The following MTBP variants were observed in gnomAD, a reference collection of about 807,000 sequenced individuals.
MTBP encodes the protein mdm2-binding protein.
A neutral mutation model predicts 117.0 loss-of-function variants in MTBP; 101 were observed. The observed-to-expected ratio is 0.86, with a 90% confidence interval of 0.73 to 1.02. MTBP has a LOEUF of 1.02. Among genes scored for constraint, MTBP ranks in the 50% least tolerant of loss-of-function variants. The pLI is 0.00. For missense variants in MTBP, 970 were observed against 1,030.9 expected, an observed-to-expected ratio of 0.94 and a Z score of 0.81; for synonymous variants, 350 against 351.5, an observed-to-expected ratio of 1.00 and a Z score of 0.05.
chr8:120,484,073 A>C (rs990834990), intron 11 of MTBP, among the ~76,000 whole-genome samples: 4 of 152,086 alleles, frequency 2.6e-5, no homozygotes, highest in African/African-American at 9.7e-5. Flanking sequence ...GAGGAAAATA[A>C]GATTGTTGTA....
intron 16 of MTBP, among the ~76,000 whole-genome samples, chr8:120,509,222 T>A (rs1472540372): frequency 1.3e-5 from 2 of 152,208 alleles, no homozygotes; most frequent in Non-Finnish European, 2.9e-5. Flanking sequence ...AGATTCAAGT[T>A]GACTTTAATT....
intron 2 of MTBP, among the ~76,000 whole-genome samples, chr8:120,449,083 T>C (rs1813283891): frequency 6.6e-6 from 1 of 152,148 alleles, no homozygotes; most frequent in African/African-American, 2.4e-5. Context: ...AAAGTATAGC[T>C]ATTTCTGTAC....
At chr8:120,476,499 A>G (rs1250150717) in intron 11 of MTBP, among the ~76,000 whole-genome samples, 2 of 152,180 alleles carry the variant, frequency 1.3e-5, no homozygotes, top group Non-Finnish European at 2.9e-5. Flanking sequence ...TTGTATATTT[A>G]GAAAACTCCA....
chr8:120,446,447 A>G lies in MTBP; in HGVS notation c.133A>G (p.Asn45Asp). 1 of 1,607,428 alleles carries G rather than the reference A, an allele frequency of 6.2e-7. No individual in the cohort carries two copies. Among genetic ancestry groups the G allele is most frequent in the East Asian group, 2.2e-5 (1 of 44,780 alleles). ...TENQPDFTAA[N>D]VYHLLKRSIS... ...TTCTTTTTCAGACTTCACAGCAGCA[A>G]ATGTTTATCACCTCTTGAAAAGAAG... Residue 45 changes from asparagine to aspartate, a missense_variant, in exon 2 of 22, where the codon AAT becomes GAT. Physicochemically the swap from Asn to Asp is conservative, Grantham distance 23. Coordinates refer to ENST00000305949, the MANE Select transcript of MTBP (RefSeq NM_022045.5).
chr8:120,502,880 G>T (rs1814614281), intron 15 of MTBP, among the ~76,000 whole-genome samples: 1 of 152,150 alleles, frequency 6.6e-6, no homozygotes, highest in Admixed American at 6.5e-5. Context: ...ATCTTCCATA[G>T]ACATACACAG....
chr8:120,523,425 T>G lies in MTBP; in HGVS notation c.*89T>G, dbSNP rs1244971162. 7 of 778,034 alleles carry G rather than the reference T, an allele frequency of 9.0e-6. No individual in the cohort carries two copies. The highest frequency in any genetic ancestry group is 1.4e-5 in the Non-Finnish European group (7 of 491,664). 48.2% of individuals were successfully genotyped at this position (778,034 alleles called of 1,614,324 possible). A position where few individuals can be genotyped will look rare whatever the true frequency, so the allele number is the denominator to read the frequency against. ...CTTAGTTTGAAAATTATAAACAAATTTTAAGCTTTATTCAAAGAATAGATG... is the reference window on the plus strand; with the variant it reads ...CTTAGTTTGAAAATTATAAACAAATGTTAAGCTTTATTCAAAGAATAGATG... On this transcript the variant is annotated 3_prime_UTR_variant, in exon 22 of 22. Transcript: ENST00000305949.
At chr8:120,505,196 G>A (rs527551709) in intron 15 of MTBP, among the ~76,000 whole-genome samples, 57 of 152,092 alleles carry the variant, frequency 3.7e-4, no homozygotes, top group Non-Finnish European at 6.0e-4. Context: ...CATAGGTTTA[G>A]TCCTGTTCCC....
In MTBP at chr8:120,463,424, G is replaced by A. The variant is rs373144760; in HGVS notation, c.978-268G>A. Among the ~76,000 whole-genome samples, 284 of 152,144 alleles carry A rather than the reference G, an allele frequency of 1.9e-3. 3 individuals carry two copies. The highest frequency in any genetic ancestry group is 6.5e-3 in the African/African-American group (269 of 41,532). ...ATAGTGTTTTTGAATTTTTATTTAG[G>A]AGCTACAGTTTTTATAAATTTCTTG... On this transcript the variant is annotated intron_variant, in intron 9 of 21. Coordinates refer to ENST00000305949, the MANE Select transcript of MTBP (RefSeq NM_022045.5).
intron 13 of MTBP, among the ~76,000 whole-genome samples, chr8:120,493,884 G>A (rs913121060): frequency 1.3e-5 from 2 of 152,040 alleles, no homozygotes; most frequent in South Asian, 2.1e-4. Context: ...CCAAACCATC[G>A]GTAACTTTTT....
intron 18 of MTBP, among the ~76,000 whole-genome samples, chr8:120,517,228 G>T (rs989914993): frequency 6.6e-6 from 1 of 151,972 alleles, no homozygotes; most frequent in African/African-American, 2.4e-5. Context: ...ATTTGTATTT[G>T]TTTTAACACT....
chr8:120,502,653 T>C, intron 15 of MTBP, 44 bp downstream of exon 15: 1 of 1,184,482 alleles, frequency 8.4e-7, no homozygotes, highest in South Asian at 1.5e-5. Flanking sequence ...GCTCAGTAAT[T>C]TGAATGAATT....
At chr8:120,449,061 A>G (rs1023982536) in intron 2 of MTBP, among the ~76,000 whole-genome samples, 1 of 152,136 alleles carries the variant, frequency 6.6e-6, no homozygotes, top group Non-Finnish European at 1.5e-5. Flanking sequence ...AGTATAGTAG[A>G]TGGATTAGAG....
At chr8:120,452,070 T>C (rs1813369681) in intron 4 of MTBP, 1 of 152,344 alleles carries the variant, frequency 6.6e-6, no homozygotes, top group Admixed American at 6.5e-5. Flanking sequence ...TGTACATGAT[T>C]GAGTTCACTT....
intron 15 of MTBP, 73 bp downstream of exon 15, chr8:120,502,682 A>T: frequency 1.1e-6 from 1 of 925,620 alleles, no homozygotes; most frequent in Non-Finnish European, 1.6e-6. Context: ...TAGTTAAATT[A>T]TGTTTATGAG....
rs761030367 is a variant in MTBP at position 120,445,633 on chromosome 8, G to A, written c.118+45G>A. 2.0e-6 allele frequency: 3 copies of A among 1,488,038 alleles called. No homozygotes were observed. The African/African-American group carries it at 4.2e-5, about 21-fold the overall frequency. The allele number at this position is 1,488,038 out of a possible 1,614,324, so 92.2% of individuals were successfully genotyped here. A position where few individuals can be genotyped will look rare whatever the true frequency, so the allele number is the denominator to read the frequency against. On this transcript the variant is annotated intron_variant, in intron 1 of 21. Coordinates refer to ENST00000305949, the MANE Select transcript of MTBP (RefSeq NM_022045.5). ...AGAGCGGGAACGGCTTGTGGAGAGG[G>A]GAAGAAGTTTGAGTTTTGTGATCAA... is the stretch of plus-strand genomic sequence containing the variant.
chr8:120,459,275 A>G lies in MTBP; in HGVS notation c.808A>G (p.Ser270Gly), dbSNP rs1813535778. 1 of 1,610,704 alleles carries G rather than the reference A, an allele frequency of 6.2e-7. No homozygotes were observed. ...CLKGVTLKNFSTSNLNTDFLA... is the reference protein window; with the variant it reads ...CLKGVTLKNFGTSNLNTDFLA... ...AAAGGGAGTCACACTTAAGAATTTT[A>G]GTACTTCTAATTTAAATACTGACTT... Residue 270 changes from serine (S) to glycine (G), a missense_variant, in exon 8 of 22, where the codon AGT becomes GGT. Coordinates refer to ENST00000305949, the MANE Select transcript of MTBP (RefSeq NM_022045.5).
intron 10 of MTBP, among the ~76,000 whole-genome samples, chr8:120,469,747 G>A (rs1049505418): frequency 5.9e-5 from 9 of 152,140 alleles, no homozygotes; most frequent in Non-Finnish European, 1.2e-4. Flanking sequence ...AGCGAGAAAT[G>A]CTCATTAAAA....
At position 120,515,797 on chromosome 8, in the gene MTBP, C is replaced by A. The variant is rs369596355; in HGVS notation, c.1980-128C>A. ...GAGGGAAATAGGCCAGCCACTCAAC[C>A]TTCCAGCAATTATTAGGAAATTAAA... On this transcript the variant is annotated intron_variant, in intron 17 of 21. Transcript: ENST00000305949. 2.0e-4 allele frequency: 176 copies of A among 892,814 alleles called. 1 individual carries two copies. In the African/African-American group the frequency reaches 2.7e-3, roughly 14 times the overall value. 55.3% of individuals were successfully genotyped at this position (892,814 alleles called of 1,614,324 possible). A position where few individuals can be genotyped will look rare whatever the true frequency, so the allele number is the denominator to read the frequency against.
At chr8:120,460,089 TTA>T (rs1342085975) in intron 8 of MTBP, among the ~76,000 whole-genome samples, 3 of 152,134 alleles carry the variant, frequency 2.0e-5, no homozygotes, top group African/African-American at 7.2e-5. Context: ...AAATTGATGG[TTA>T]ATATTTTCTA....
Sources: gnomAD v4.1 joint callset for allele counts (sites outside exome capture counted in the v4.1 genomes callset) on GRCh38, gnomAD v4.1.1 for gene constraint, MANE v1.5 for transcripts, NCBI Gene and HGNC (gene_info 2026-07-23, HGNC 2026-07-21) for gene names.